FAM13A: variants seen among roughly 807,000 people sequenced by gnomAD.
The protein encoded by FAM13A is family with sequence similarity 13 member A.
In FAM13A, 76 loss-of-function variants were observed where a neutral mutation model predicts 129.6. The observed-to-expected ratio is 0.59, with a 90% CI of 0.49 to 0.71. The LOEUF (loss-of-function observed/expected upper bound fraction) is 0.71. Ranked by LOEUF, FAM13A falls within the 30% of genes least tolerant of loss-of-function variation. FAM13A has a pLI of 0.00. For missense variants in FAM13A, 1,108 were observed against 1,249.3 expected (o/e 0.89, Z 1.70); for synonymous variants, 443 against 449.9 (o/e 0.98, Z 0.20).
intron 1 of FAM13A, among the ~76,000 whole-genome samples, chr4:89,051,799 A>G (rs1771625945): frequency 6.6e-6 from 1 of 152,204 alleles, no homozygotes; most frequent in African/African-American, 2.4e-5. Flanking sequence ...CCTGAAAAAA[A>G]TCCAAAACCC....
chr4:88,747,751 A>G lies in FAM13A; in HGVS notation c.2262T>C (p.Asp754=). Reference sequence around the variant, plus strand: ...TATCCACCAGCTCTTGCTTCTTCTCATCTTCTTTCTCAAGTTGGGAACCAA... The same window carrying G: ...TATCCACCAGCTCTTGCTTCTTCTCGTCTTCTTTCTCAAGTTGGGAACCAA... The part of the protein sequence containing the change: ...KSFGSQLEKE[D]EKKQELVDKA... The change falls in exon 18 of 24, where the codon GAT becomes GAC. Residue 754 remains aspartate (D), a synonymous_variant. Coordinates refer to ENST00000264344, the MANE Select transcript of FAM13A (RefSeq NM_014883.4). The G allele has an allele frequency of 6.2e-7, 1 of 1,614,130 alleles. No homozygotes were observed. Among genetic ancestry groups the G allele is most frequent in the Non-Finnish European group, 8.5e-7 (1 of 1,179,990 alleles).
Position 89,057,064 on chromosome 4 carries a change from GA to G in FAM13A, c.-101del. 2 of 1,569,466 alleles carry G rather than the reference GA, an allele frequency of 1.3e-6. No individual in the cohort carries two copies. Among genetic ancestry groups the G allele is most frequent in the East Asian group, 2.3e-5 (1 of 44,186 alleles). On this transcript the variant is annotated 5_prime_UTR_variant, in exon 1 of 24. An upstream open reading frame in the 5' UTR loses its in-frame stop. Transcript: ENST00000264344. Reference sequence around the variant, plus strand: ...CCATTCAGCACATATTCTTTGATGTGAAAAACAGCTCCCAATGCAAAGGCCC... The same window carrying G: ...CCATTCAGCACATATTCTTTGATGTGAAAACAGCTCCCAATGCAAAGGCCC...
chr4:88,962,720 C>A (rs1758795382), intron 4 of FAM13A, among the ~76,000 whole-genome samples: 1 of 152,150 alleles, frequency 6.6e-6, no homozygotes, highest in Admixed American at 6.5e-5. Context: ...GTGGGATGTG[C>A]ACCACTCAGA....
chr4:88,749,178 G>A, intron 16 of FAM13A, 145 bp from the exon 17 acceptor site: 2 of 676,102 alleles, frequency 3.0e-6, no homozygotes, highest in South Asian at 1.7e-5. Context: ...CAGAGCAAAT[G>A]TCACAAATGT....
intron 6 of FAM13A, among the ~76,000 whole-genome samples, chr4:88,883,470 A>T (rs780128259): frequency 1.2e-4 from 18 of 152,170 alleles, no homozygotes; most frequent in Non-Finnish European, 1.8e-4. Flanking sequence ...CTCAATGATA[A>T]TAGTGACACA....
intron 4 of FAM13A, among the ~76,000 whole-genome samples, chr4:88,972,698 C>A (rs891320006): frequency 6.6e-6 from 1 of 151,998 alleles, no homozygotes; most frequent in Non-Finnish European, 1.5e-5. Flanking sequence ...GCCTCTGCCT[C>A]CCAGTTCAAG....
intron 3 of FAM13A, among the ~76,000 whole-genome samples, chr4:89,012,116 TA>T (rs1481945411): frequency 1.3e-5 from 2 of 152,188 alleles, no homozygotes; most frequent in Admixed American, 1.3e-4. Flanking sequence ...AACAGTCAAT[TA>T]AAAATATTTC....
At position 88,789,807 on chromosome 4, in the gene FAM13A, C is replaced by A. The variant is rs185726820; in HGVS notation, c.1091+779G>T. Among the ~76,000 whole-genome samples the A allele has an allele frequency of 1.8e-4, 27 of 152,114 alleles. No individual in the cohort carries two copies. In the East Asian group the frequency reaches 5.2e-3, roughly 29 times the overall value. ...AATCCTGGATAAGATGACACTTGAACGAGGAGTGAATGAGAAAAAAGTGCT... is the reference window on the plus strand; with the variant it reads ...AATCCTGGATAAGATGACACTTGAAAGAGGAGTGAATGAGAAAAAAGTGCT... On this transcript the variant is annotated intron_variant, in intron 9 of 23. Coordinates refer to ENST00000264344, the MANE Select transcript of FAM13A (RefSeq NM_014883.4).
At chr4:88,781,131 T>C (rs1208745292) in intron 11 of FAM13A, 34 bp downstream of exon 11, 6 of 1,392,062 alleles carry the variant, frequency 4.3e-6, no homozygotes, top group Non-Finnish European at 5.8e-6. Flanking sequence ...TAATATTTCC[T>C]AACAAGTAAA....
chr4:88,977,416 A>C (rs1293689685), intron 4 of FAM13A, among the ~76,000 whole-genome samples: 1 of 151,942 alleles, frequency 6.6e-6, no homozygotes, highest in African/African-American at 2.4e-5. Flanking sequence ...TATTCTAAAA[A>C]CTCTGCATCA....
intron 1 of FAM13A, among the ~76,000 whole-genome samples, chr4:89,032,849 T>C (rs1440857385): frequency 6.6e-6 from 1 of 152,174 alleles, no homozygotes; most frequent in Non-Finnish European, 1.5e-5. Context: ...GCTCAGTCTC[T>C]CCACCAGCTG....
intron 21 of FAM13A, among the ~76,000 whole-genome samples, chr4:88,734,511 A>C (rs1271559137): frequency 6.6e-6 from 1 of 152,226 alleles, no homozygotes; most frequent in Admixed American, 6.5e-5. Context: ...AAGGCCCTAT[A>C]ATTAGGAAAA....
intron 7 of FAM13A, among the ~76,000 whole-genome samples, chr4:88,839,656 G>A (rs1048491366): frequency 6.6e-6 from 1 of 152,204 alleles, no homozygotes; most frequent in African/African-American, 2.4e-5. Context: ...GGAGGCTGAG[G>A]TGGGAGGATC....
intron 6 of FAM13A, among the ~76,000 whole-genome samples, chr4:88,883,066 A>G (rs947402147): frequency 4.3e-4 from 65 of 152,224 alleles, no homozygotes; most frequent in African/African-American, 1.5e-3. Context: ...AATAATAGTC[A>G]GAGACTTCAA....
At chr4:88,888,710 G>T (rs1015363078) in intron 6 of FAM13A, among the ~76,000 whole-genome samples, 1 of 151,726 alleles carries the variant, frequency 6.6e-6, no homozygotes, top group African/African-American at 2.4e-5. Flanking sequence ...CGGATCAACG[G>T]GTCAGGAGAT....
At chr4:88,807,260 T>G (rs1385689440) in intron 7 of FAM13A, among the ~76,000 whole-genome samples, 1 of 152,206 alleles carries the variant, frequency 6.6e-6, no homozygotes, top group Non-Finnish European at 1.5e-5. Context: ...CTTAGCTATT[T>G]GTGTGTGTCT....
At chr4:88,959,840 G>T (rs939857593) in intron 4 of FAM13A, among the ~76,000 whole-genome samples, 3 of 152,140 alleles carry the variant, frequency 2.0e-5, no homozygotes, top group African/African-American at 7.2e-5. Flanking sequence ...TGGCGGTAAG[G>T]GGGTGAGGGG....
chr4:88,750,074 T>C (rs995009628), intron 15 of FAM13A, among the ~76,000 whole-genome samples, 165 bp from the exon 16 acceptor site: 1 of 152,188 alleles, frequency 6.6e-6, no homozygotes, highest in Non-Finnish European at 1.5e-5. Flanking sequence ...GAGTGATCCA[T>C]TGGAGCTTGG....
rs570773674 is a variant in FAM13A, at chr4:89,020,659, T to C, written c.228A>G (p.Gln76=). 6.8e-6 allele frequency: 11 copies of C among 1,613,878 alleles called. No homozygotes were observed. In the African/African-American group the frequency reaches 9.3e-5, roughly 14 times the overall value. The change falls in exon 3 of 24, where the codon CAA becomes CAG. Residue 76 remains glutamine (Q), a synonymous_variant. Transcript: ENST00000264344. ...VEYLTQHGLT[Q]EGLFRVNGNV... The stretch of plus-strand genomic sequence containing the variant: ...TACCATTCACCCTAAAAAGACCTTC[T>C]TGGGTAAGTCCTGGAAGAGCAAAGT...
Sources: gnomAD v4.1 joint callset for allele counts (sites outside exome capture counted in the v4.1 genomes callset) on GRCh38, gnomAD v4.1.1 for gene constraint, MANE v1.5 for transcripts, NCBI Gene and HGNC (gene_info 2026-07-23, HGNC 2026-07-21) for gene names.